TTLL5: variants seen among roughly 807,000 people sequenced by gnomAD.
TTLL5 encodes tubulin tyrosine ligase like 5.
TTLL5 carries 132 observed loss-of-function variants against 168.4 expected under a neutral mutation model. The ratio of observed to expected loss-of-function variants is 0.78; its 90% confidence interval spans 0.68 to 0.91. The LOEUF is 0.91. TTLL5 is among the 40% of genes least tolerant of loss of function. The pLI, the probability that TTLL5 is intolerant of heterozygous loss-of-function variation, is 0.00. For synonymous variants in TTLL5, 546 were observed against 558.6 expected (o/e 0.98, Z 0.32); for missense variants, 1,545 against 1,581.5 (o/e 0.98, Z 0.39).
chr14:75,776,882 C>A, intron 23 of TTLL5, 32 bp downstream of exon 23: 2 of 1,523,058 alleles, frequency 1.3e-6, no homozygotes, highest in South Asian at 2.3e-5. Flanking sequence ...TAAAAGCTGT[C>A]TTATTCCATC....
chr14:75,856,489 A>G lies in TTLL5; in HGVS notation c.3327-7178A>G, dbSNP rs565336230. The stretch of plus-strand genomic sequence containing the variant: ...GTCTCCCAGTGAGTCAACATGGTAT[A>G]TCTTTGTACTTATGTAGGTTTTGTT... On this transcript the variant is annotated intron_variant, in intron 28 of 31. Coordinates refer to ENST00000298832, the MANE Select transcript of TTLL5 (RefSeq NM_015072.5). Among the ~76,000 whole-genome samples the G allele has an allele frequency of 2.1e-3, 326 of 152,292 alleles. 1 individual carries two copies. The highest frequency in any genetic ancestry group is 7.6e-3 in the African/African-American group (317 of 41,556).
intron 29 of TTLL5, among the ~76,000 whole-genome samples, chr14:75,876,221 T>C (rs1465462798): frequency 1.3e-5 from 2 of 152,226 alleles, no homozygotes; most frequent in Admixed American, 6.5e-5. Flanking sequence ...AGCTGTGTCA[T>C]AGCTACACTG....
At chr14:75,799,909 G>T (rs539686070) in intron 27 of TTLL5, among the ~76,000 whole-genome samples, 1 of 152,188 alleles carries the variant, frequency 6.6e-6, no homozygotes, top group South Asian at 2.1e-4. Flanking sequence ...TCTTTCCTTT[G>T]TCTTGACTTT....
At chr14:75,774,180 T>G (rs148315986) in intron 21 of TTLL5, among the ~76,000 whole-genome samples, 1 of 152,210 alleles carries the variant, frequency 6.6e-6, no homozygotes, top group Non-Finnish European at 1.5e-5. Flanking sequence ...AGTTTTATTG[T>G]GGTTTTTGGA....
intron 27 of TTLL5, among the ~76,000 whole-genome samples, chr14:75,815,841 T>G (rs1894360759): frequency 6.6e-6 from 1 of 152,240 alleles, no homozygotes; most frequent in Non-Finnish European, 1.5e-5. Flanking sequence ...TCTCTGAGCC[T>G]TAGTTTCTCC....
chr14:75,932,341 C>T (rs2034302647), intron 31 of TTLL5, among the ~76,000 whole-genome samples: 1 of 152,112 alleles, frequency 6.6e-6, no homozygotes, highest in Non-Finnish European at 1.5e-5. Context: ...ATTAACTTCA[C>T]TATATACTGA....
At chr14:75,935,347 A>T (rs185452059) in intron 31 of TTLL5, among the ~76,000 whole-genome samples, 191 of 152,328 alleles carry the variant, frequency 1.3e-3, no homozygotes, top group African/African-American at 4.3e-3. Flanking sequence ...TGTCAATAGT[A>T]ATAACATCTC....
At chr14:75,816,896 A>G (rs1894445042) in intron 27 of TTLL5, among the ~76,000 whole-genome samples, 1 of 152,064 alleles carries the variant, frequency 6.6e-6, no homozygotes, top group African/African-American at 2.4e-5. Flanking sequence ...GGATATAGGA[A>G]GAAGGACAAG....
intron 9 of TTLL5, chr14:75,711,452 T>C (rs1887071489): frequency 6.6e-6 from 1 of 152,086 alleles, no homozygotes; most frequent in Admixed American, 6.6e-5. Context: ...TTTAGATGAG[T>C]TGACAGAGCC....
At position 75,793,084 on chromosome 14, in the gene TTLL5, A is replaced by G. The variant is rs138819117; in HGVS notation, c.3155A>G (p.Asn1052Ser). ...CAGTATTCTCCATCCAGCCACATCAACCTCCTCACCCAACAGGTACGGATG... is the reference window on the plus strand; with the variant it reads ...CAGTATTCTCCATCCAGCCACATCAGCCTCCTCACCCAACAGGTACGGATG... ...ARQYSPSSHI[N>S]LLTQQVTNLN... The change falls in exon 27 of 32, where the codon AAC (asparagine) becomes AGC (serine). Residue 1052 changes from asparagine (N) to serine (S), a missense_variant. Physicochemically the swap from Asn to Ser is conservative, Grantham distance 46. Coordinates refer to ENST00000298832, the MANE Select transcript of TTLL5 (RefSeq NM_015072.5). 1.1e-5 allele frequency: 17 copies of G among 1,611,008 alleles called. No homozygotes were observed. Among genetic ancestry groups the G allele is most frequent in the South Asian group, 4.4e-5 (4 of 90,492 alleles).
chr14:75,945,251 T>C (rs1231522138), intron 31 of TTLL5, among the ~76,000 whole-genome samples: 3 of 147,826 alleles, frequency 2.0e-5, no homozygotes, highest in African/African-American at 7.4e-5. Context: ...ATAATATATA[T>C]TATATATAAA....
chr14:75,884,734 C>G (rs2032009369), intron 30 of TTLL5, among the ~76,000 whole-genome samples: 1 of 152,156 alleles, frequency 6.6e-6, no homozygotes, highest in Non-Finnish European at 1.5e-5. Flanking sequence ...AACATTCTCT[C>G]ACTTACATGT....
intron 28 of TTLL5, among the ~76,000 whole-genome samples, chr14:75,855,531 T>C (rs1566632268): frequency 6.6e-6 from 1 of 152,102 alleles, no homozygotes; most frequent in Non-Finnish European, 1.5e-5. Context: ...AAATCTGCAG[T>C]CTAACTGGCT....
intron 18 of TTLL5, among the ~76,000 whole-genome samples, chr14:75,761,271 T>C (rs1275422940): frequency 1.3e-5 from 2 of 152,132 alleles, no homozygotes; most frequent in Admixed American, 6.5e-5. Context: ...TGTGATAAAT[T>C]GTCGTTGACA....
At chr14:75,821,400 C>A (rs1030150779) in intron 28 of TTLL5, among the ~76,000 whole-genome samples, 1 of 152,138 alleles carries the variant, frequency 6.6e-6, no homozygotes, top group Non-Finnish European at 1.5e-5. Flanking sequence ...CTGTTTATAC[C>A]ATAGAGCTTT....
At chr14:75,772,270 G>A (rs1446248390) in intron 21 of TTLL5, among the ~76,000 whole-genome samples, 1 of 152,158 alleles carries the variant, frequency 6.6e-6, no homozygotes, top group Non-Finnish European at 1.5e-5. Flanking sequence ...CAAAGACCTC[G>A]AGAAGCCAAG....
chr14:75,716,051 G>GATT (rs1566825495), intron 9 of TTLL5, among the ~76,000 whole-genome samples: 1 of 152,122 alleles, frequency 6.6e-6, no homozygotes, highest in Non-Finnish European at 1.5e-5. Context: ...TCACCTTGAG[G>GATT]TAATGTCTGG....
chr14:75,907,520 G>T (rs574008375), intron 31 of TTLL5, among the ~76,000 whole-genome samples: 1 of 152,184 alleles, frequency 6.6e-6, no homozygotes, highest in Non-Finnish European at 1.5e-5. Context: ...TTTGAGAAAC[G>T]TTATTCATCA....
Position 75,863,761 on chromosome 14 carries a change from C to G in TTLL5, c.3421C>G (p.Pro1141Ala). 1 of 1,613,692 alleles carries G rather than the reference C, an allele frequency of 6.2e-7. No homozygotes were observed. Among genetic ancestry groups the G allele is most frequent in the East Asian group, 2.2e-5 (1 of 44,862 alleles). Residue 1141 changes from proline to alanine, a missense_variant, in exon 29 of 32, where the codon CCC becomes GCC. By Grantham distance (27) the Pro-to-Ala change is conservative (BLOSUM62 -1). Transcript: ENST00000298832. The part of the protein sequence containing the change: ...TGVVPQHKYH[P>A]TAGSYQLQFA... The stretch of plus-strand genomic sequence containing the variant: ...GGTGGTCCCCCAGCACAAGTATCAC[C>G]CCACAGCAGGCAGCTATCAGCTTCA...
Sources: gnomAD v4.1 joint callset for allele counts (sites outside exome capture counted in the v4.1 genomes callset) on GRCh38, gnomAD v4.1.1 for gene constraint, MANE v1.5 for transcripts, NCBI Gene and HGNC (gene_info 2026-07-23, HGNC 2026-07-21) for gene names.